SOBP: variants seen among roughly 807,000 people sequenced by gnomAD.
The protein encoded by SOBP is sine oculis binding protein homolog.
A neutral mutation model predicts 53.6 loss-of-function variants in SOBP; 4 were observed. The observed-to-expected ratio is 0.07, with a 90% confidence interval of 0.04 to 0.17. SOBP has a LOEUF of 0.17. SOBP is among the 10% of genes least tolerant of loss of function. SOBP has a pLI of 1.00. For synonymous variants in SOBP, 584 were observed against 522.6 expected (o/e 1.12, Z -1.60); for missense variants, 1,088 against 1,204.7 (o/e 0.90, Z 1.43).
intron 5 of SOBP, among the ~76,000 whole-genome samples, chr6:107,610,840 C>T (rs1012772721): frequency 6.6e-6 from 1 of 151,714 alleles, no homozygotes; most frequent in African/African-American, 2.4e-5. Flanking sequence ...ACACCATGGA[C>T]TTAATGAAGG....
rs148732197 is a variant in SOBP, at chr6:107,589,305, G to A, written c.669+2130G>A. Among the ~76,000 whole-genome samples the A allele has an allele frequency of 7.9e-5, 12 of 152,268 alleles. No individual in the cohort carries two copies. The East Asian group carries it at 1.2e-3, about 15-fold the overall frequency. On this transcript the variant is annotated intron_variant, in intron 5 of 6. Transcript: ENST00000317357. ...GATGATCAGGAGCACATGGCTGGAC[G>A]ACTAGTCCTCTGTGCCACAGACACT... is the stretch of plus-strand genomic sequence containing the variant.
intron 4 of SOBP, among the ~76,000 whole-genome samples, chr6:107,571,469 C>G (rs375587156): frequency 6.6e-6 from 1 of 152,206 alleles, no homozygotes; most frequent in Admixed American, 6.5e-5. Flanking sequence ...AGGAGAAGCC[C>G]AGTCGGAGCC....
chr6:107,563,702 A>C (rs142884069), intron 4 of SOBP, among the ~76,000 whole-genome samples: 1 of 152,280 alleles, frequency 6.6e-6, no homozygotes, highest in East Asian at 1.9e-4. Context: ...TACAATAGAC[A>C]AAATGGCGTC....
chr6:107,533,353 A>G lies in SOBP; in HGVS notation c.422-106A>G, dbSNP rs528998652. ...AAAAAGCACTTCTTCTCCAAGGTCC[A>G]GAAACTAAAATCAGGCCCAGGTAGC... is the stretch of plus-strand genomic sequence containing the variant. On this transcript the variant is annotated intron_variant, in intron 3 of 6. Coordinates refer to ENST00000317357, the MANE Select transcript of SOBP (RefSeq NM_018013.4). 2.0e-3 allele frequency: 2,321 copies of G among 1,156,124 alleles called. 12 individuals are homozygous for G. The highest frequency in any genetic ancestry group is 0.016 in the Middle Eastern group (63 of 3,842). The allele number at this position is 1,156,124 out of a possible 1,614,324, so 71.6% of individuals were successfully genotyped here. A position where few individuals can be genotyped will look rare whatever the true frequency, so the allele number is the denominator to read the frequency against.
intron 5 of SOBP, among the ~76,000 whole-genome samples, chr6:107,599,104 A>G (rs1786056288): frequency 6.6e-6 from 1 of 152,190 alleles, no homozygotes; most frequent in African/African-American, 2.4e-5. Context: ...AAAATAGCAT[A>G]GAGACCATCT....
chr6:107,620,562 G>C (rs1399390889), intron 5 of SOBP, among the ~76,000 whole-genome samples: 1 of 152,122 alleles, frequency 6.6e-6, no homozygotes, highest in Non-Finnish European at 1.5e-5. Flanking sequence ...GCATCTCATG[G>C]GCTCTGTTCT....
At position 107,584,421 on chromosome 6, in the gene SOBP, G is replaced by A. The variant is rs908444677; in HGVS notation, c.574-2659G>A. Among the ~76,000 whole-genome samples, 5 of 152,176 alleles carry A rather than the reference G, an allele frequency of 3.3e-5. No individual in the cohort carries two copies. In the East Asian group the frequency reaches 9.6e-4, roughly 29 times the overall value. On this transcript the variant is annotated intron_variant, in intron 4 of 6. Transcript: ENST00000317357. ...GGGATTACAGTGGTGAGAAGTGTGT[G>A]TGAGTTATTTGTGCACACAAATACA... is the stretch of plus-strand genomic sequence containing the variant.
intron 4 of SOBP, among the ~76,000 whole-genome samples, chr6:107,541,121 A>G (rs1366715749): frequency 6.6e-6 from 1 of 152,178 alleles, no homozygotes; most frequent in Non-Finnish European, 1.5e-5. Flanking sequence ...TAATTTTTCC[A>G]TGGTAAAATA....
chr6:107,562,320 C>G (rs987021877), intron 4 of SOBP, among the ~76,000 whole-genome samples: 2 of 152,048 alleles, frequency 1.3e-5, no homozygotes, highest in Non-Finnish European at 2.9e-5. Flanking sequence ...CGCCTGGCCT[C>G]CCTGGTTCTT....
At chr6:107,617,989 A>G (rs892728181) in intron 5 of SOBP, among the ~76,000 whole-genome samples, 2 of 151,896 alleles carry the variant, frequency 1.3e-5, no homozygotes, top group African/African-American at 4.8e-5. Flanking sequence ...CACCAAGCCA[A>G]GCTAATTTTT....
rs144112961 is a variant in SOBP, at chr6:107,642,793, T to C, written c.*3+7324T>C. Among the ~76,000 whole-genome samples, 86 of 152,342 alleles carry C rather than the reference T, an allele frequency of 5.6e-4. No individual in the cohort carries two copies. In the East Asian group the frequency reaches 0.016, roughly 29 times the overall value. ...AAAAGGGAAGTAAGAATGTGACTGA[T>C]AGTATTTAAAGAACAAAAGGGAGAA... is the stretch of plus-strand genomic sequence containing the variant. On this transcript the variant is annotated intron_variant, in intron 6 of 6. Coordinates refer to ENST00000317357, the MANE Select transcript of SOBP (RefSeq NM_018013.4).
chr6:107,501,966 G>A (rs144115694), intron 1 of SOBP, among the ~76,000 whole-genome samples: 122 of 152,280 alleles, frequency 8.0e-4, no homozygotes, highest in East Asian at 3.9e-4. Flanking sequence ...TGGTAACACT[G>A]AATCAATCTG....
Position 107,633,825 on chromosome 6 carries a change from G to A in SOBP, c.981G>A (p.Ser327=). ...TAGQSQGPGP[S]ASTTVSPSDT... ...GCCAAAGCCAGGGCCCTGGCCCGTC[G>A]GCGTCCACCACCGTCTCTCCATCTG... Residue 327 remains serine (S), a synonymous_variant, in exon 6 of 7, where the codon TCG becomes TCA. Coordinates refer to ENST00000317357, the MANE Select transcript of SOBP (RefSeq NM_018013.4). The A allele has an allele frequency of 1.9e-6, 3 of 1,613,894 alleles. No individual in the cohort carries two copies. The highest frequency in any genetic ancestry group is 2.2e-5 in the East Asian group (1 of 44,838).
rs144286443 is a variant in SOBP, at chr6:107,550,248, C to T, written c.573+16638C>T. On this transcript the variant is annotated intron_variant, in intron 4 of 6. Coordinates refer to ENST00000317357, the MANE Select transcript of SOBP (RefSeq NM_018013.4). ...TGGGTACAGACTGGTGTCTGTAAAA[C>T]AAGCACATGAATCTGCAACTCAGTG... Among the ~76,000 whole-genome samples the T allele has an allele frequency of 2.4e-4, 36 of 152,256 alleles. No individual in the cohort carries two copies. In the East Asian group the frequency reaches 5.8e-3, roughly 24 times the overall value.
intron 6 of SOBP, among the ~76,000 whole-genome samples, chr6:107,637,017 A>T (rs1193630294): frequency 1.3e-5 from 2 of 151,870 alleles, no homozygotes; most frequent in African/African-American, 4.8e-5. Context: ...TAGGCTAATT[A>T]GTTTCTTTAT....
intron 1 of SOBP, among the ~76,000 whole-genome samples, chr6:107,497,984 A>G (rs1782742698): frequency 6.6e-6 from 1 of 152,232 alleles, no homozygotes; most frequent in Admixed American, 6.5e-5. Flanking sequence ...GGTGCTTACT[A>G]ATACTACATG....
At chr6:107,498,434 CT>C (rs1435172971) in intron 1 of SOBP, among the ~76,000 whole-genome samples, 12 of 152,272 alleles carry the variant, frequency 7.9e-5, no homozygotes, top group African/African-American at 2.9e-4. Flanking sequence ...ATCACCAGTT[CT>C]TTTTGAAGAT....
intron 1 of SOBP, among the ~76,000 whole-genome samples, chr6:107,494,367 T>G (rs1185225628): frequency 6.6e-6 from 1 of 152,188 alleles, no homozygotes; most frequent in Non-Finnish European, 1.5e-5. Context: ...ACATAGTAGA[T>G]ATAATATAAA....
At chr6:107,604,618 C>A (rs1313926674) in intron 5 of SOBP, among the ~76,000 whole-genome samples, 1 of 152,118 alleles carries the variant, frequency 6.6e-6, no homozygotes, top group African/African-American at 2.4e-5. Flanking sequence ...CCCTCCCCAC[C>A]TCCTTCTCTT....
Sources: gnomAD v4.1 joint callset for allele counts (sites outside exome capture counted in the v4.1 genomes callset) on GRCh38, gnomAD v4.1.1 for gene constraint, MANE v1.5 for transcripts, NCBI Gene and HGNC (gene_info 2026-07-23, HGNC 2026-07-21) for gene names.